Variants in NPAS3 observed in about 807,000 individuals in gnomAD.
NPAS3 encodes neuronal PAS domain protein 3.
A neutral mutation model predicts 73.1 loss-of-function variants in NPAS3; 14 were observed. The observed-to-expected ratio is 0.19, with a 90% CI of 0.13 to 0.30. The LOEUF is 0.30. Ranked by LOEUF, NPAS3 falls within the 10% of genes least tolerant of loss-of-function variation. NPAS3 has a pLI of 1.00. For synonymous variants in NPAS3, 620 were observed against 541.5 expected, an observed-to-expected ratio of 1.14 and a Z score of -2.01; for missense variants, 1,096 against 1,250.0, an observed-to-expected ratio of 0.88 and a Z score of 1.86.
chr14:33,284,391 T>G (rs1193551041), intron 3 of NPAS3, among the ~76,000 whole-genome samples: 4 of 152,054 alleles, frequency 2.6e-5, no homozygotes, highest in Non-Finnish European at 5.9e-5. Flanking sequence ...TTCAAAAAAT[T>G]TATAGGTAGA....
chr14:33,050,325 C>G (rs554785082), intron 1 of NPAS3, among the ~76,000 whole-genome samples: 6 of 152,254 alleles, frequency 3.9e-5, no homozygotes, highest in Non-Finnish European at 8.8e-5. Context: ...GACCCAAGTC[C>G]TCTCTGTGGA....
intron 2 of NPAS3, among the ~76,000 whole-genome samples, chr14:33,201,584 G>C (rs905931467): frequency 5.3e-5 from 8 of 152,152 alleles, no homozygotes; most frequent in African/African-American, 1.9e-4. Flanking sequence ...TTTAAGAAAG[G>C]GCTCATGTAT....
intron 1 of NPAS3, among the ~76,000 whole-genome samples, chr14:33,007,353 G>C (rs1013233690): frequency 1.3e-5 from 2 of 152,100 alleles, no homozygotes; most frequent in Non-Finnish European, 2.9e-5. Flanking sequence ...AATACTACTA[G>C]GCTATAGGAG....
At chr14:33,271,430 G>A (rs375529713) in intron 3 of NPAS3, among the ~76,000 whole-genome samples, 9 of 150,590 alleles carry the variant, frequency 6.0e-5, no homozygotes, top group African/African-American at 2.2e-4. Context: ...GAAGGATTCT[G>A]ATTCCTGTGG....
rs538189610 is a variant in NPAS3, at chr14:33,194,510, C to A, written c.141-20672C>A. On this transcript the variant is annotated intron_variant, in intron 2 of 11. Transcript: ENST00000356141. ...TGTTTATACTATTAAAAATTCTCTA[C>A]GTATTTCAGTTGAAAGGAGATTTCA... Among the ~76,000 whole-genome samples the A allele has an allele frequency of 5.3e-5, 8 of 152,226 alleles. No homozygotes were observed. In the East Asian group the frequency reaches 1.5e-3, roughly 29 times the overall value.
intron 4 of NPAS3, among the ~76,000 whole-genome samples, chr14:33,530,372 C>T (rs1033572334): frequency 2.0e-5 from 3 of 152,030 alleles, no homozygotes; most frequent in African/African-American, 4.8e-5. Flanking sequence ...CTTAGCTGCT[C>T]AGCATAAATA....
chr14:33,107,621 T>C (rs1381807649), intron 2 of NPAS3, among the ~76,000 whole-genome samples: 3 of 152,172 alleles, frequency 2.0e-5, no homozygotes, highest in Non-Finnish European at 4.4e-5. Flanking sequence ...TATTCCATGG[T>C]GTGTATGTAC....
intron 4 of NPAS3, among the ~76,000 whole-genome samples, chr14:33,468,308 T>A (rs1038160575): frequency 6.6e-6 from 1 of 152,260 alleles, no homozygotes; most frequent in Non-Finnish European, 1.5e-5. Context: ...TACATGAGTA[T>A]GTAAACTTAT....
chr14:33,391,170 C>A, intron 4 of NPAS3, among the ~76,000 whole-genome samples: 1 of 148,782 alleles, frequency 6.7e-6, no homozygotes, highest in South Asian at 2.1e-4. Context: ...CAAAAATCCT[C>A]ATTCTTTGGC....
chr14:32,995,369 T>C (rs2139513263), intron 1 of NPAS3, among the ~76,000 whole-genome samples: 1 of 152,350 alleles, frequency 6.6e-6, no homozygotes, highest in African/African-American at 2.4e-5. Context: ...TCATTGTGCC[T>C]ACTTCTCTGA....
intron 3 of NPAS3, among the ~76,000 whole-genome samples, chr14:33,358,822 G>T (rs776266758): frequency 6.6e-6 from 1 of 152,188 alleles, no homozygotes; most frequent in Non-Finnish European, 1.5e-5. Flanking sequence ...GGAAATAGGA[G>T]CCTGGCTTAT....
intron 5 of NPAS3, chr14:33,608,502 G>A (rs1389907428): frequency 6.6e-6 from 1 of 152,104 alleles, no homozygotes; most frequent in Non-Finnish European, 1.5e-5. Flanking sequence ...AATAAAAGAT[G>A]GATAGCTTCT....
At chr14:32,934,964 C>A (rs1311815302), upstream of NPAS3, 2 of 1,306,912 alleles carry the variant, frequency 1.5e-6, no homozygotes, top group Non-Finnish European at 2.0e-6. This position sits in a 1 kb window ranked among gnomAD's most constrained non-coding sequence, Gnocchi z 4.1. Flanking sequence ...GCCAACGGCA[C>A]CCCGCAGAAC....
At chr14:33,362,094 A>T (rs2045630703) in intron 3 of NPAS3, among the ~76,000 whole-genome samples, 1 of 152,188 alleles carries the variant, frequency 6.6e-6, no homozygotes, top group South Asian at 2.1e-4. Context: ...AAAACTTCAC[A>T]TACAGTGCTT....
chr14:33,356,316 A>T (rs1332984234), intron 3 of NPAS3, among the ~76,000 whole-genome samples: 1 of 152,220 alleles, frequency 6.6e-6, no homozygotes, highest in East Asian at 1.9e-4. Context: ...AGTGATGCAG[A>T]TTCTTTTTCA....
chr14:33,328,270 A>G (rs2140263894), intron 3 of NPAS3, among the ~76,000 whole-genome samples: 1 of 151,458 alleles, frequency 6.6e-6, no homozygotes, highest in Non-Finnish European at 1.5e-5. Flanking sequence ...GGCTGTGGTT[A>G]TTACTTTTTC....
chr14:33,318,968 G>A (rs75440419), intron 3 of NPAS3, among the ~76,000 whole-genome samples: 2,335 of 152,138 alleles, frequency 0.015, 34 homozygotes, highest in African/African-American at 0.047. Flanking sequence ...CCCAAAATAC[G>A]TCTCTTCAGT....
At chr14:32,989,804 A>T (rs2038256243) in intron 1 of NPAS3, among the ~76,000 whole-genome samples, 2 of 152,070 alleles carry the variant, frequency 1.3e-5, no homozygotes, top group South Asian at 4.1e-4. Flanking sequence ...AGCTAGTTAG[A>T]TTTGAATTTC....
chr14:33,248,034 T>C (rs539976535), intron 3 of NPAS3, among the ~76,000 whole-genome samples: 4 of 152,332 alleles, frequency 2.6e-5, no homozygotes, highest in Admixed American at 1.3e-4. Flanking sequence ...GAAGGCTAAG[T>C]TCAATCCATG....
Sources: allele counts gnomAD v4.1 joint callset (sites outside exome capture counted in the v4.1 genomes callset), GRCh38; gene constraint gnomAD v4.1.1; non-coding constraint Gnocchi (gnomAD v3.1); transcripts MANE v1.5; gene names NCBI Gene and HGNC (gene_info 2026-07-23, HGNC 2026-07-21).